CSNK2A1: variants seen among roughly 807,000 people sequenced by gnomAD.
The protein encoded by CSNK2A1 is casein kinase II subunit alpha.
In CSNK2A1, 10 loss-of-function variants were observed where a neutral mutation model predicts 62.9. That is an observed-to-expected ratio of 0.16 (90% CI 0.10 to 0.27). CSNK2A1 has a LOEUF of 0.27. Ranked by LOEUF, CSNK2A1 falls within the 10% of genes least tolerant of loss-of-function variation. The probability of loss-of-function intolerance (pLI) is 1.00; values close to 1 mark genes in which losing one functional copy is unlikely to be tolerated. For missense variants in CSNK2A1, 160 were observed against 492.0 expected, an observed-to-expected ratio of 0.33 and a Z score of 6.38; for synonymous variants, 124 against 167.8, an observed-to-expected ratio of 0.74 and a Z score of 2.02.
At chr20:531,170 TA>T (rs995655007) in intron 1 of CSNK2A1, among the ~76,000 whole-genome samples, 16 of 151,680 alleles carry the variant, frequency 1.1e-4, no homozygotes, top group African/African-American at 3.6e-4. Context: ...TTACCAAAAT[TA>T]AAAAAAAATT....
rs2017995944 is a variant in CSNK2A1, at chr20:483,452, C to T, written c.*509G>A. On this transcript the variant is annotated 3_prime_UTR_variant, in exon 14 of 14. Coordinates refer to ENST00000217244, the MANE Select transcript of CSNK2A1 (RefSeq NM_177559.3). ...AGCGACCAGCAAGCAGTCCACTGCTCCTATAGATTGGGTCCTCCCTTCCTT... is the reference window on the plus strand; with the variant it reads ...AGCGACCAGCAAGCAGTCCACTGCTTCTATAGATTGGGTCCTCCCTTCCTT... The T allele has an allele frequency of 6.6e-6, 1 of 152,594 alleles. No homozygotes were observed. The highest frequency in any genetic ancestry group is 6.5e-5 in the Admixed American group (1 of 15,286). 9.5% of individuals were successfully genotyped at this position (152,594 alleles called of 1,614,324 possible).
At chr20:505,790 T>C (rs1410245502) in intron 3 of CSNK2A1, 1 of 151,880 alleles carries the variant, frequency 6.6e-6, no homozygotes, top group African/African-American at 2.4e-5. Flanking sequence ...TATTGGCACA[T>C]GACATGGAGC....
At chr20:518,536 T>C (rs568629619) in intron 2 of CSNK2A1, among the ~76,000 whole-genome samples, 2 of 152,090 alleles carry the variant, frequency 1.3e-5, no homozygotes, top group African/African-American at 4.8e-5. Context: ...CAAATATCTA[T>C]TTTTATTTTT....
At chr20:532,375 C>T (rs1011866213) in intron 1 of CSNK2A1, among the ~76,000 whole-genome samples, 1 of 140,962 alleles carries the variant, frequency 7.1e-6, no homozygotes, top group African/African-American at 2.7e-5. Flanking sequence ...GACAGGGTTT[C>T]ACCATGTTGG....
At chr20:526,879 G>C (rs998863890) in intron 2 of CSNK2A1, 2 of 152,002 alleles carry the variant, frequency 1.3e-5, no homozygotes, top group Non-Finnish European at 2.9e-5. Context: ...GAACCCGGGA[G>C]GCGGCAGAGG....
intron 2 of CSNK2A1, chr20:526,983 GAA>G (rs1491376807): frequency 1.1e-3 from 154 of 138,106 alleles, no homozygotes; most frequent in African/African-American, 4.1e-3. Context: ...GAGAGAGAGA[GAA>G]AGAGAGAGAG....
At position 472,821 on chromosome 20, in the gene CSNK2A1, G is replaced by A. The variant is rs2017778834; in HGVS notation, c.*11140C>T. ...CCTTCAGCCATAATTTCTTTCTGAA[G>A]CTTTTGCAAAACCTCTCGGCCTTCC... On this transcript the variant is annotated 3_prime_UTR_variant, in exon 14 of 14. Coordinates refer to ENST00000217244, the MANE Select transcript of CSNK2A1 (RefSeq NM_177559.3). 6.6e-6 allele frequency: 1 copy of A among 152,168 alleles called. No homozygotes were observed. The highest frequency in any genetic ancestry group is 1.5e-5 in the Non-Finnish European group (1 of 68,040). 9.4% of individuals were successfully genotyped at this position (152,168 alleles called of 1,614,324 possible). A position where few individuals can be genotyped will look rare whatever the true frequency, so the allele number is the denominator to read the frequency against.
intron 7 of CSNK2A1, 96 bp from the exon 8 acceptor site, chr20:495,898 T>A (rs1296225539): frequency 1.1e-6 from 1 of 947,620 alleles, no homozygotes; most frequent in East Asian, 2.5e-5. Context: ...AGCCTCACAA[T>A]ACCCCTGGGA....
chr20:502,017 T>C (rs749497575), intron 4 of CSNK2A1: 19 of 152,202 alleles, frequency 1.2e-4, no homozygotes, highest in Admixed American at 2.6e-4. Context: ...TTTGGAAACA[T>C]TGACAGTTCT....
chr20:517,844 C>T (rs1269721209), intron 2 of CSNK2A1, among the ~76,000 whole-genome samples: 1 of 152,086 alleles, frequency 6.6e-6, no homozygotes, highest in Non-Finnish European at 1.5e-5. Flanking sequence ...TTTTTTTGCA[C>T]ATCAGGTCAG....
intron 2 of CSNK2A1, among the ~76,000 whole-genome samples, chr20:511,662 AT>A (rs2018721334): frequency 6.6e-6 from 1 of 151,836 alleles, no homozygotes; most frequent in Non-Finnish European, 1.5e-5. Context: ...TAGAATTCCA[AT>A]CCTTTTAAAG....
At chr20:485,103 A>AT (rs2018059131) in intron 13 of CSNK2A1, among the ~76,000 whole-genome samples, 4 of 26,124 alleles carry the variant, frequency 1.5e-4, no homozygotes, top group African/African-American at 4.9e-4. Flanking sequence ...AAAAAAAAAA[A>AT]AAAAAAATAT....
At chr20:484,187 C>G in intron 13 of CSNK2A1, 111 bp from the exon 14 acceptor site, 1 of 871,556 alleles carries the variant, frequency 1.1e-6, no homozygotes, top group Non-Finnish European at 1.6e-6. Context: ...TGAAGACTTC[C>G]TCTTAGCTGG....
Position 499,379 on chromosome 20 carries a change from G to A in CSNK2A1, c.316-74C>T, listed in dbSNP as rs1394607849. 33 of 1,453,268 alleles carry A rather than the reference G, an allele frequency of 2.3e-5. No individual in the cohort carries two copies. The highest frequency in any genetic ancestry group is 1.8e-4 in the Middle Eastern group (1 of 5,648). The allele number at this position is 1,453,268 out of a possible 1,614,324, so 90.0% of individuals were successfully genotyped here. A position where few individuals can be genotyped will look rare whatever the true frequency, so the allele number is the denominator to read the frequency against. On this transcript the variant is annotated intron_variant, in intron 5 of 13. Transcript: ENST00000217244. This position sits in a 1 kb window ranked among gnomAD's most constrained non-coding sequence, Gnocchi z 4.2. ...CAGCTTTAATGGGGACAATGTTTGC[G>A]GATGCTGCGTGGTGAAATTTGGCAG...
chr20:505,668 ATTTTTTTT>A (rs11484480), intron 3 of CSNK2A1, among the ~76,000 whole-genome samples: 1 of 142,536 alleles, frequency 7.0e-6, no homozygotes, highest in African/African-American at 2.6e-5. Flanking sequence ...GGCCCATTGT[ATTTTTTTT>A]TTTTTTAAAT....
intron 1 of CSNK2A1, chr20:539,153 C>T (rs2019395987): frequency 6.6e-6 from 1 of 152,188 alleles, no homozygotes; most frequent in Non-Finnish European, 1.5e-5. Flanking sequence ...TCCATTGTGT[C>T]ATAACAAATT....
At chr20:485,109 A>ATAATAATAATAATAATAATAATAATAAT (rs1366439608) in intron 13 of CSNK2A1, among the ~76,000 whole-genome samples, 1 of 24,666 alleles carries the variant, frequency 4.1e-5, no homozygotes, top group African/African-American at 1.4e-4. Context: ...AAAAAAAAAA[A>ATAATAATAATAATAATAATAATAATAAT]ATATATATAT....
chr20:524,708 CAAAAA>C (rs56228720), intron 2 of CSNK2A1, among the ~76,000 whole-genome samples: 21 of 83,168 alleles, frequency 2.5e-4, no homozygotes, highest in African/African-American at 8.4e-4. Flanking sequence ...GACTCCATCT[CAAAAA>C]AAAAAAAAAA....
At position 531,750 on chromosome 20, in the gene CSNK2A1, A is replaced by C. The variant is rs147980702; in HGVS notation, c.-226-3701T>G. Among the ~76,000 whole-genome samples, 4 of 152,358 alleles carry C rather than the reference A, an allele frequency of 2.6e-5. No individual in the cohort carries two copies. The East Asian group carries it at 7.7e-4, about 29-fold the overall frequency. On this transcript the variant is annotated intron_variant, in intron 1 of 13. Coordinates refer to ENST00000217244, the MANE Select transcript of CSNK2A1 (RefSeq NM_177559.3). ...GTATATGCCATTCTTTCCTGAAGGA[A>C]GACAAGAAGACAATGTATCCTAGGC...
Sources: gnomAD v4.1 joint callset for allele counts (sites outside exome capture counted in the v4.1 genomes callset) on GRCh38, gnomAD v4.1.1 for gene constraint, Gnocchi (gnomAD v3.1) non-coding constraint, MANE v1.5 for transcripts, NCBI Gene and HGNC (gene_info 2026-07-23, HGNC 2026-07-21) for gene names.